The following NTMT1 variants were observed in gnomAD, a reference collection of about 807,000 sequenced individuals.
NTMT1 encodes N-terminal Xaa-Pro-Lys N-methyltransferase 1.
A neutral mutation model predicts 17.5 loss-of-function variants in NTMT1; 8 were observed. That is an observed-to-expected ratio of 0.46 (90% CI 0.27 to 0.82). NTMT1 has a LOEUF of 0.82. NTMT1 is among the 40% of genes least tolerant of loss of function. The pLI is 0.15. For missense variants in NTMT1, 221 were observed against 303.5 expected (o/e 0.73, Z 2.02); for synonymous variants, 128 against 126.8 (o/e 1.01, Z -0.06).
At chr9:129,619,430 T>G in intron 1 of NTMT1, 2 of 918,930 alleles carry the variant, frequency 2.2e-6, no homozygotes, top group Non-Finnish European at 3.4e-6. Context: ...GGTGGATAAA[T>G]GAATACATTC....
At chr9:129,634,556 TTTG>T (rs1415779142) in intron 3 of NTMT1, 2 of 453,586 alleles carry the variant, frequency 4.4e-6, no homozygotes, top group Non-Finnish European at 7.7e-6. Context: ...GGTGCAGTTT[TTTG>T]TTGAAAAAAT....
At chr9:129,625,837 A>G (rs1316826371), upstream of NTMT1, among the ~76,000 whole-genome samples, 1 of 151,432 alleles carries the variant, frequency 6.6e-6, no homozygotes, top group Non-Finnish European at 1.5e-5. Flanking sequence ...CATGGTGAAA[A>G]CCCGTCTCTA....
Position 129,620,484 on chromosome 9 carries a change from G to A in NTMT1, c.-55+11306G>A. 3 of 1,389,920 alleles carry A rather than the reference G, an allele frequency of 2.2e-6. No individual in the cohort carries two copies. The highest frequency in any genetic ancestry group is 1.6e-5 in the South Asian group (1 of 64,076). The allele number at this position is 1,389,920 out of a possible 1,614,324, so 86.1% of individuals were successfully genotyped here. On this transcript the variant is annotated intron_variant, in intron 1 of 3. Transcript: ENST00000372486. This position sits in a 1 kb window ranked among gnomAD's most constrained non-coding sequence, Gnocchi z 5.8. ...GCGGGCGGGGTCAGCTTGGGCAGCC[G>A]CGGGTCGCTGCTGCGTCGGAAGTCT...
intron 1 of NTMT1, among the ~76,000 whole-genome samples, chr9:129,610,037 T>C (rs1305982413): frequency 1.3e-5 from 2 of 148,610 alleles, no homozygotes; most frequent in Non-Finnish European, 3.0e-5. Flanking sequence ...TGTCTCGGGG[T>C]GCGTATCTCG....
chr9:129,634,095 T>C lies in NTMT1; in HGVS notation c.204T>C (p.Cys68=). The change falls in exon 3 of 4, where the codon TGT becomes TGC. Residue 68 remains cysteine, a synonymous_variant. Transcript: ENST00000372483. ...CAGGAACGTCCTGTGCCCTGGACTG[T>C]GGAGCTGGCATTGGGAGGATCACCA... ...NKTGTSCALD[C]GAGIGRITKR... is the part of the protein sequence containing the mutation. 2 of 1,614,066 alleles carry C rather than the reference T, an allele frequency of 1.2e-6. No homozygotes were observed. Among genetic ancestry groups the C allele is most frequent in the Non-Finnish European group, 1.7e-6 (2 of 1,179,950 alleles).
chr9:129,629,695 C>T (rs939210983), intron 1 of NTMT1, among the ~76,000 whole-genome samples: 1 of 152,128 alleles, frequency 6.6e-6, no homozygotes, highest in African/African-American at 2.4e-5. Flanking sequence ...CAGCCTGTTA[C>T]CCCAAAGGGC....
upstream of NTMT1, among the ~76,000 whole-genome samples, chr9:129,622,354 A>G (rs554823511): frequency 2.6e-5 from 4 of 152,284 alleles, no homozygotes; most frequent in Admixed American, 2.0e-4. Flanking sequence ...TTTGCCATGC[A>G]TGGTGTTGTG....
Position 129,634,038 on chromosome 9 carries a change from T to C in NTMT1, c.163-16T>C, listed in dbSNP as rs1279955272. On this transcript the variant is annotated splice_polypyrimidine_tract_variant and intron_variant, in intron 2 of 3. Transcript: ENST00000372483. Reference sequence around the variant, plus strand: ...GACAGGGTCCCTCTGATAGGTTATATGCCTCTGCTTTTCAGGAAGGCCCGA... The same window carrying C: ...GACAGGGTCCCTCTGATAGGTTATACGCCTCTGCTTTTCAGGAAGGCCCGA... 6.2e-7 allele frequency: 1 copy of C among 1,612,236 alleles called. No homozygotes were observed. The highest frequency in any genetic ancestry group is 8.5e-7 in the Non-Finnish European group (1 of 1,178,746).
chr9:129,635,168 T>C (rs1331017911), intron 3 of NTMT1, 40 bp from the exon 4 acceptor site: 1 of 1,585,444 alleles, frequency 6.3e-7, no homozygotes, highest in Non-Finnish European at 8.6e-7. Context: ...CGACATCCGC[T>C]TGCATGGTGC....
In NTMT1 at chr9:129,613,473, C is replaced by G. The variant is rs759821940; in HGVS notation, c.-55+4295C>G. On this transcript the variant is annotated intron_variant, in intron 1 of 3. Coordinates refer to the NTMT1 transcript ENST00000372486. The surrounding 1 kb of genome is among the most constrained non-coding windows in gnomAD (Gnocchi z 6.2). ...CCCAACACGAGGAGCTGGCCAGGGT[C>G]TCCTCCTTGGCCCCAGGGTACAGGG... The G allele has an allele frequency of 1.9e-6, 3 of 1,614,114 alleles. No homozygotes were observed. The highest frequency in any genetic ancestry group is 2.5e-6 in the Non-Finnish European group (3 of 1,180,022).
At chr9:129,634,880 A>C in intron 3 of NTMT1, 2 of 333,764 alleles carry the variant, frequency 6.0e-6, no homozygotes, top group East Asian at 6.9e-5. Context: ...TGCAATGCCA[A>C]ACTCTTAGCC....
At chr9:129,628,107 G>A (rs879522299) in intron 1 of NTMT1, among the ~76,000 whole-genome samples, 1 of 151,644 alleles carries the variant, frequency 6.6e-6, no homozygotes, top group Non-Finnish European at 1.5e-5. Context: ...TGTGCTCCTG[G>A]CCCCCTCCCA....
intron 1 of NTMT1, among the ~76,000 whole-genome samples, chr9:129,615,826 C>T (rs1271779670): frequency 6.6e-6 from 1 of 152,244 alleles, no homozygotes; most frequent in Non-Finnish European, 1.5e-5. Context: ...CAGGCAGGCT[C>T]AAGCACGCAC....
At chr9:129,610,556 C>A (rs1830091864) in intron 1 of NTMT1, among the ~76,000 whole-genome samples, 1 of 151,900 alleles carries the variant, frequency 6.6e-6, no homozygotes, top group African/African-American at 2.4e-5. Context: ...CAGGAGGTCG[C>A]GCGGCCGGAG....
At chr9:129,632,393 A>G (rs1482386664) in intron 1 of NTMT1, among the ~76,000 whole-genome samples, 1 of 152,212 alleles carries the variant, frequency 6.6e-6, no homozygotes, top group Non-Finnish European at 1.5e-5. Flanking sequence ...GCATTGAGCT[A>G]TGATCACACC....
chr9:129,633,887 CCCT>C (rs1831341391), intron 2 of NTMT1, among the ~76,000 whole-genome samples, 164 bp from the exon 3 acceptor site: 1 of 152,160 alleles, frequency 6.6e-6, no homozygotes, highest in South Asian at 2.1e-4. Flanking sequence ...CATGCTCATC[CCCT>C]CGACTCCGTA....
At chr9:129,615,978 C>T (rs1291795242) in intron 1 of NTMT1, among the ~76,000 whole-genome samples, 4 of 152,206 alleles carry the variant, frequency 2.6e-5, no homozygotes, top group African/African-American at 7.2e-5. Flanking sequence ...ATCCTGGTTC[C>T]AGAGCTGGCG....
Position 129,620,294 on chromosome 9 carries a change from C to A in NTMT1, c.-55+11116C>A. The A allele has an allele frequency of 1.6e-6, 2 of 1,254,584 alleles. No individual in the cohort carries two copies. Among genetic ancestry groups the A allele is most frequent in the Non-Finnish European group, 2.0e-6 (2 of 997,004 alleles). 77.7% of individuals were successfully genotyped at this position (1,254,584 alleles called of 1,614,324 possible). On this transcript the variant is annotated intron_variant, in intron 1 of 3. Transcript: ENST00000372486. The surrounding 1 kb of genome is among the most constrained non-coding windows in gnomAD (Gnocchi z 5.8). ...CGGCAGCAGGGACCGCAGCAGCCCC[C>A]GCTTCCGCACGGCCCGCCGGGTCGC...
chr9:129,633,948 G>A (rs1007242105), intron 2 of NTMT1, 106 bp from the exon 3 acceptor site: 27 of 1,311,106 alleles, frequency 2.1e-5, no homozygotes, highest in South Asian at 1.1e-4. Flanking sequence ...CAGCTTGTGC[G>A]GAGTCCTGGA....
Sources: gnomAD v4.1 joint callset for allele counts (sites outside exome capture counted in the v4.1 genomes callset) on GRCh38, gnomAD v4.1.1 for gene constraint, Gnocchi (gnomAD v3.1) non-coding constraint, MANE v1.5 for transcripts, NCBI Gene and HGNC (gene_info 2026-07-23, HGNC 2026-07-21) for gene names.